Variants in CNGB3 observed in about 807,000 individuals in gnomAD.
CNGB3 encodes cyclic nucleotide gated channel subunit beta 3, also known as cyclic nucleotide-gated channel beta-3.
Under a neutral mutation model 92.8 loss-of-function variants are expected in CNGB3, and 86 were observed. The ratio of observed to expected loss-of-function variants is 0.93; its 90% CI spans 0.78 to 1.11. The LOEUF (loss-of-function observed/expected upper bound fraction) is 1.11, where lower values mean the gene tolerates loss of function less well. Among genes scored for constraint, CNGB3 ranks in the 50% least tolerant of loss-of-function variants. CNGB3 has a pLI of 0.00. For synonymous variants in CNGB3, 333 were observed against 332.7 expected (o/e 1.00, Z -0.01); for missense variants, 1,026 against 956.8 (o/e 1.07, Z -0.95).
chr8:86,697,459 G>C (rs1824470313), intron 3 of CNGB3, among the ~76,000 whole-genome samples: 1 of 152,056 alleles, frequency 6.6e-6, no homozygotes, highest in South Asian at 2.1e-4. Context: ...TAGAGATCAG[G>C]TTCATTTATT....
At chr8:86,723,755 A>G (rs564529297) in intron 3 of CNGB3, among the ~76,000 whole-genome samples, 1 of 152,326 alleles carries the variant, frequency 6.6e-6, no homozygotes, top group East Asian at 1.9e-4. Context: ...ATCTAATAAC[A>G]AAGCAAGAAC....
chr8:86,695,818 T>C (rs1449870212), intron 3 of CNGB3, among the ~76,000 whole-genome samples: 3 of 152,172 alleles, frequency 2.0e-5, no homozygotes, highest in East Asian at 3.9e-4. Flanking sequence ...GCTGTTCAGA[T>C]TCTGTTGTCC....
chr8:86,682,360 T>G (rs577229716), intron 3 of CNGB3, among the ~76,000 whole-genome samples: 1 of 152,202 alleles, frequency 6.6e-6, no homozygotes, highest in East Asian at 1.9e-4. Flanking sequence ...CAACCACTAC[T>G]AAAGAGGGGT....
At chr8:86,726,292 T>C (rs1825058712) in intron 3 of CNGB3, among the ~76,000 whole-genome samples, 1 of 152,186 alleles carries the variant, frequency 6.6e-6, no homozygotes, top group Non-Finnish European at 1.5e-5. Context: ...TTTGTTGTGA[T>C]TTGGCCTATA....
intron 15 of CNGB3, among the ~76,000 whole-genome samples, chr8:86,587,823 T>G (rs1039615313): frequency 6.6e-6 from 1 of 151,928 alleles, no homozygotes; most frequent in Non-Finnish European, 1.5e-5. Flanking sequence ...CGATGCGGGC[T>G]CTTTTTTGGT....
chr8:86,612,728 G>A (rs1340069125), intron 13 of CNGB3, among the ~76,000 whole-genome samples: 1 of 152,194 alleles, frequency 6.6e-6, no homozygotes, highest in African/African-American at 2.4e-5. Context: ...GAAGCATTCA[G>A]ATGAATGTGC....
At chr8:86,663,013 T>C (rs1823674483) in intron 6 of CNGB3, among the ~76,000 whole-genome samples, 1 of 150,924 alleles carries the variant, frequency 6.6e-6, no homozygotes, top group Non-Finnish European at 1.5e-5. Flanking sequence ...AGAAGTGAAA[T>C]TTGACCCCAG....
intron 3 of CNGB3, among the ~76,000 whole-genome samples, chr8:86,720,977 T>C (rs1486779755): frequency 6.6e-6 from 1 of 151,668 alleles, no homozygotes; most frequent in Non-Finnish European, 1.5e-5. Flanking sequence ...TAATTATTAT[T>C]ATTTTTTGAG....
At chr8:86,693,598 C>T (rs1234256983) in intron 3 of CNGB3, among the ~76,000 whole-genome samples, 13 of 150,312 alleles carry the variant, frequency 8.6e-5, no homozygotes, top group South Asian at 2.1e-4. Flanking sequence ...TGCGGCCTTC[C>T]GCAGTGTTTG....
chr8:86,738,683 C>CAA (rs35300624), intron 2 of CNGB3, among the ~76,000 whole-genome samples: 9,552 of 151,590 alleles, frequency 0.063, 529 homozygotes, highest in African/African-American at 0.15. Context: ...ACTAAAAATA[C>CAA]AAAAAATTAG....
At chr8:86,594,172 G>A (rs1451910526) in intron 15 of CNGB3, 4 of 276,546 alleles carry the variant, frequency 1.4e-5, no homozygotes, top group Non-Finnish European at 2.9e-5. Context: ...TGTCTCCAAC[G>A]ATCACCCACT....
Position 86,659,618 on chromosome 8 carries a change from C to T in CNGB3, c.853-5556G>A, listed in dbSNP as rs142281407. 867 of 528,600 alleles carry T rather than the reference C, an allele frequency of 1.6e-3. 4 individuals are homozygous for T. Among genetic ancestry groups the T allele is most frequent in the Non-Finnish European group, 2.5e-3 (677 of 267,350 alleles). The allele number at this position is 528,600 out of a possible 1,614,324, so 32.7% of individuals were successfully genotyped here. The stretch of plus-strand genomic sequence containing the variant: ...GAGAGCCCACTCCAACTCTCCCACA[C>T]GCGCCAGGAATACTGCAGGCAGCTG... On this transcript the variant is annotated intron_variant, in intron 6 of 17. Coordinates refer to ENST00000320005, the MANE Select transcript of CNGB3 (RefSeq NM_019098.5).
chr8:86,728,618 T>C (rs1253413089), intron 2 of CNGB3, among the ~76,000 whole-genome samples: 1 of 152,210 alleles, frequency 6.6e-6, no homozygotes, highest in Non-Finnish European at 1.5e-5. Context: ...AAATTCTTAA[T>C]TGCTGGCCAT....
At chr8:86,647,547 T>G (rs971204563) in intron 8 of CNGB3, among the ~76,000 whole-genome samples, 17 of 151,144 alleles carry the variant, frequency 1.1e-4, no homozygotes, top group African/African-American at 3.6e-4. Context: ...AGCATCCCTA[T>G]TTTAGATTAT....
rs748977433 is a variant in CNGB3, at chr8:86,643,842, T to A, written c.1087A>T (p.Ile363Phe). Residue 363 changes from isoleucine (I) to phenylalanine (F), a missense_variant, in exon 10 of 18, where the codon ATT (isoleucine) becomes TTT (phenylalanine). By Grantham distance (21) the Ile-to-Phe change is conservative. Coordinates refer to ENST00000320005, the MANE Select transcript of CNGB3 (RefSeq NM_019098.5). ...TAAACACAGGCATTAATGTGCAGAA[T>A]AAACAGCAAGTATCCAGTTGTTCGA... ...VIRTTGYLLF[I>F]LHINACVYYW... 1.9e-6 allele frequency: 3 copies of A among 1,607,208 alleles called. No individual in the cohort carries two copies. In the East Asian group the frequency reaches 6.7e-5, roughly 36 times the overall value.
intron 15 of CNGB3, among the ~76,000 whole-genome samples, chr8:86,598,729 C>G (rs1822224145): frequency 6.6e-6 from 1 of 152,134 alleles, no homozygotes; most frequent in Admixed American, 6.5e-5. Context: ...TGGTCTTCTC[C>G]TCTTATGTCT....
At chr8:86,677,522 A>C (rs911278682) in intron 3 of CNGB3, among the ~76,000 whole-genome samples, 3 of 152,186 alleles carry the variant, frequency 2.0e-5, no homozygotes, top group African/African-American at 7.2e-5. Flanking sequence ...ATGTGGTGGG[A>C]ATGATATAGT....
chr8:86,655,040 G>C (rs1257154093), intron 6 of CNGB3, among the ~76,000 whole-genome samples: 3 of 152,030 alleles, frequency 2.0e-5, no homozygotes, highest in African/African-American at 4.8e-5. Context: ...CATTCTCCTT[G>C]AGCCAAACTG....
At chr8:86,621,380 T>C (rs1158142151) in intron 13 of CNGB3, among the ~76,000 whole-genome samples, 1 of 152,234 alleles carries the variant, frequency 6.6e-6, no homozygotes, top group African/African-American at 2.4e-5. Context: ...ATATGTGATT[T>C]TAAAAATAAA....
Sources: gnomAD v4.1 joint callset for allele counts (sites outside exome capture counted in the v4.1 genomes callset) on GRCh38, gnomAD v4.1.1 for gene constraint, MANE v1.5 for transcripts, NCBI Gene and HGNC (gene_info 2026-07-23, HGNC 2026-07-21) for gene names.